The following ATP2B3 variants were observed in gnomAD, a reference collection of about 807,000 sequenced individuals.
ATP2B3 encodes the protein ATPase plasma membrane Ca2+ transporting 3, also known as plasma membrane calcium-transporting ATPase 3.
In ATP2B3, 12 loss-of-function variants were observed where a neutral mutation model predicts 70.8. The ratio of observed to expected loss-of-function variants is 0.17; its 90% CI spans 0.11 to 0.27. ATP2B3 has a LOEUF of 0.27. ATP2B3 is among the 10% of genes least tolerant of loss of function. The pLI, the probability that ATP2B3 is intolerant of heterozygous loss-of-function variation, is 1.00. For synonymous variants in ATP2B3, 460 were observed against 497.8 expected, an observed-to-expected ratio of 0.92 and a Z score of 1.01; for missense variants, 858 against 1,118.5, an observed-to-expected ratio of 0.77 and a Z score of 3.32.
intron 6 of ATP2B3, among the ~76,000 whole-genome samples, 180 bp from the exon 7 acceptor site, chrX:153,542,849 AAGGCTGGAGGCCCT>A (rs2090307827): frequency 8.8e-6 from 1 of 113,320 alleles, no homozygotes; most frequent in Non-Finnish European, 1.9e-5. Context: ...ACGGGACAGG[AAGGCTGGAGGCCCT>A]AGGTGGGCCC....
At position 153,577,721 on chromosome X, in the gene ATP2B3, C is replaced by T. The variant is rs140092463; in HGVS notation, c.3343-2257C>T. 3.8e-4 allele frequency among the ~76,000 whole-genome samples: 43 copies of T among 112,193 alleles called. No individual in the cohort carries two copies. In the East Asian group the frequency reaches 0.011, roughly 29 times the overall value. On this transcript the variant is annotated intron_variant, in intron 21 of 21. Coordinates refer to ENST00000263519, the MANE Select transcript of ATP2B3 (RefSeq NM_001001344.3). ...GGCTTTCCCGAATGCAGAGAAAATC[C>T]GAACCAGATTTCAGATGGGGTGCTA...
intron 21 of ATP2B3, among the ~76,000 whole-genome samples, chrX:153,576,455 C>T (rs1280646059): frequency 8.9e-6 from 1 of 111,911 alleles, no homozygotes; most frequent in Non-Finnish European, 1.9e-5. Flanking sequence ...GATGGGAAGG[C>T]TGCTGGTGGG....
intron 2 of ATP2B3, among the ~76,000 whole-genome samples, chrX:153,521,151 C>A (rs985035407): frequency 8.8e-6 from 1 of 113,143 alleles, no homozygotes; most frequent in South Asian, 3.6e-4. Flanking sequence ...ACGCCCCGGG[C>A]TGGGTATGCC....
chrX:153,564,298 G>A (rs2090669642), intron 20 of ATP2B3, among the ~76,000 whole-genome samples: 1 of 112,809 alleles, frequency 8.9e-6, no homozygotes, highest in Non-Finnish European at 1.9e-5. Flanking sequence ...TGTCAACCAG[G>A]GCAGCTCACC....
Position 153,572,896 on chromosome X carries a change from A to T in ATP2B3, c.3343-7082A>T, listed in dbSNP as rs56821588. 6.4e-3 allele frequency among the ~76,000 whole-genome samples: 717 copies of T among 112,499 alleles called. 4 individuals carry two copies. Among genetic ancestry groups the T allele is most frequent in the African/African-American group, 0.023 (701 of 30,944 alleles). On this transcript the variant is annotated intron_variant, in intron 21 of 21. Transcript: ENST00000263519. ...GGCTGCGCGTCTGCCACTAGGAGGC[A>T]CGGGAGGGTGCGCGATCATTTGGAA...
Position 153,560,901 on chromosome X carries a change from C to T in ATP2B3, c.3051+14C>T. ...TTCGGGATTCAGGTAGGAGGGGCGGCTCCACTCTTGGCCTCTGCCACTTGC... is the reference window on the plus strand; with the variant it reads ...TTCGGGATTCAGGTAGGAGGGGCGGTTCCACTCTTGGCCTCTGCCACTTGC... On this transcript the variant is annotated intron_variant, in intron 19 of 21. Transcript: ENST00000263519. 2.5e-6 allele frequency: 3 copies of T among 1,210,663 alleles called. No individual in the cohort carries two copies. Among genetic ancestry groups the T allele is most frequent in the African/African-American group, 1.7e-5 (1 of 57,784 alleles).
At chrX:153,564,797 G>C in intron 20 of ATP2B3, 124 bp from the exon 21 acceptor site, 1 of 760,267 alleles carries the variant, frequency 1.3e-6, no homozygotes, top group Non-Finnish European at 1.9e-6. Flanking sequence ...CCTTTGCTTA[G>C]TCACAAAAAC....
intron 8 of ATP2B3, among the ~76,000 whole-genome samples, chrX:153,546,553 C>T (rs923195186): frequency 4.4e-5 from 5 of 113,136 alleles, no homozygotes; most frequent in East Asian, 2.8e-4. Flanking sequence ...ACAGAGTGGT[C>T]GGCTGAGGGC....
chrX:153,542,001 A>T, intron 5 of ATP2B3, 75 bp downstream of exon 5: 1 of 1,121,037 alleles, frequency 8.9e-7, no homozygotes, highest in Non-Finnish European at 1.2e-6. Context: ...GCCAGAGGAG[A>T]CCCCCAGCAC....
rs201851726 is a variant in ATP2B3 at position 153,560,810 on chromosome X, G to A, written c.2974G>A (p.Gly992Ser). 22 of 1,210,280 alleles carry A rather than the reference G, an allele frequency of 1.8e-5. No homozygotes were observed. The highest frequency in any genetic ancestry group is 3.5e-5 in the South Asian group (2 of 56,848). Residue 992 changes from glycine (G) to serine (S), a missense_variant, in exon 19 of 22, where the codon GGC becomes AGC. Around this residue, in one of 5 missense-constraint regions of ATP2B3, gnomAD observed 265 missense variants for 305.3 expected, o/e 0.87. Transcript: ENST00000263519. Reference sequence around the variant, plus strand: ...CGAGATCAACGCCCGCAAGATCCACGGCGAGAGGAACGTGTTCGACGGCAT... The same window carrying A: ...CGAGATCAACGCCCGCAAGATCCACAGCGAGAGGAACGTGTTCGACGGCAT... ...FNEINARKIH[G>S]ERNVFDGIFS...
rs1340760256 is a variant in ATP2B3 at position 153,560,762 on chromosome X, T to G, written c.2926T>G (p.Phe976Val). 1 of 1,210,219 alleles carries G rather than the reference T, an allele frequency of 8.3e-7. No individual in the cohort carries two copies. Among genetic ancestry groups the G allele is most frequent in the Non-Finnish European group, 1.1e-6 (1 of 895,247 alleles). Residue 976 changes from phenylalanine (F) to valine (V), a missense_variant, in exon 19 of 22, where the codon TTC becomes GTC. This residue lies in a region of ATP2B3 where 265 missense variants were observed against 305.3 expected (regional missense o/e 0.87). Transcript: ENST00000263519. Reference sequence around the variant, plus strand: ...GCACTACACCATCATCTTCAACACGTTCGTCATGATGCAGCTCTTTAACGA... The same window carrying G: ...GCACTACACCATCATCTTCAACACGGTCGTCATGATGCAGCTCTTTAACGA... ...SEHYTIIFNT[F>V]VMMQLFNEIN...
chrX:153,548,205 C>A (rs1263862779), intron 9 of ATP2B3, among the ~76,000 whole-genome samples: 1 of 112,805 alleles, frequency 8.9e-6, no homozygotes, highest in African/African-American at 3.2e-5. Context: ...AAGTCCCAAA[C>A]CCTCGACGAA....
intron 2 of ATP2B3, among the ~76,000 whole-genome samples, chrX:153,531,137 A>C (rs1846152914): frequency 8.9e-6 from 1 of 112,337 alleles, no homozygotes; most frequent in African/African-American, 3.2e-5. Context: ...GATGTGGGGA[A>C]TCAGGGATAA....
intron 2 of ATP2B3, among the ~76,000 whole-genome samples, chrX:153,530,094 G>A (rs1004728360): frequency 8.9e-6 from 1 of 112,411 alleles, no homozygotes; most frequent in African/African-American, 3.2e-5. Flanking sequence ...GGGGTGGGTG[G>A]GTCCTATGGG....
intron 17 of ATP2B3, chrX:153,559,459 G>A (rs1045766771): frequency 8.1e-6 from 3 of 368,198 alleles, no homozygotes; most frequent in African/African-American, 2.5e-5. Context: ...CCCCATCGTC[G>A]GGCTGTTTTG....
At chrX:153,563,737 C>T (rs1244152957) in intron 20 of ATP2B3, among the ~76,000 whole-genome samples, 2 of 112,639 alleles carry the variant, frequency 1.8e-5, no homozygotes, top group Non-Finnish European at 3.8e-5. Flanking sequence ...CTTCTGGTCC[C>T]CCCAGGAATG....
At chrX:153,520,392 TC>T (rs2089942800) in intron 2 of ATP2B3, among the ~76,000 whole-genome samples, 1 of 112,004 alleles carries the variant, frequency 8.9e-6, no homozygotes, top group African/African-American at 3.3e-5. Flanking sequence ...TTTCACCTCC[TC>T]CCCCACCTCA....
chrX:153,539,630 C>G (rs1380755076), intron 3 of ATP2B3, among the ~76,000 whole-genome samples: 1 of 113,236 alleles, frequency 8.8e-6, no homozygotes, highest in Non-Finnish European at 1.9e-5. Context: ...AGCCCAGCTG[C>G]CCAGGGCTGG....
chrX:153,579,282 C>T (rs971204760), intron 21 of ATP2B3, among the ~76,000 whole-genome samples: 1 of 112,534 alleles, frequency 8.9e-6, no homozygotes, highest in African/African-American at 3.2e-5. Flanking sequence ...TGTTGAGTGC[C>T]CTGAGGGATC....
Sources: gnomAD v4.1 joint callset for allele counts (sites outside exome capture counted in the v4.1 genomes callset) on GRCh38, gnomAD v4.1.1 for gene constraint, gnomAD v4.1.1 regional missense constraint, MANE v1.5 for transcripts, NCBI Gene and HGNC (gene_info 2026-07-23, HGNC 2026-07-21) for gene names.